Variants in EBF1 observed in about 807,000 individuals in gnomAD.
EBF1 encodes transcription factor COE1.
In EBF1, 10 loss-of-function variants were observed where a neutral mutation model predicts 68.4. The ratio of observed to expected loss-of-function variants is 0.15; its 90% CI spans 0.09 to 0.25. EBF1 has a LOEUF of 0.25. Ranked by LOEUF, EBF1 falls within the 10% of genes least tolerant of loss-of-function variation. EBF1 has a pLI of 1.00. For missense variants in EBF1, 509 were observed against 794.4 expected (o/e 0.64, Z 4.32); for synonymous variants, 298 against 299.8 (o/e 0.99, Z 0.06).
intron 4 of EBF1, among the ~76,000 whole-genome samples, chr5:159,086,587 T>C (rs73305736): frequency 0.015 from 2,211 of 152,310 alleles, 50 homozygotes; most frequent in African/African-American, 0.05. Flanking sequence ...TAAAGTTACA[T>C]ACTTCAGGGC....
chr5:158,754,468 T>C (rs901495321), intron 10 of EBF1, among the ~76,000 whole-genome samples: 4 of 152,152 alleles, frequency 2.6e-5, no homozygotes, highest in African/African-American at 4.8e-5. Flanking sequence ...AAGGAAAGAA[T>C]TTCCTAGCAA....
chr5:159,038,154 C>G (rs1402950892), intron 6 of EBF1, among the ~76,000 whole-genome samples: 1 of 152,178 alleles, frequency 6.6e-6, no homozygotes, highest in African/African-American at 2.4e-5. Context: ...TCTCGGCAGT[C>G]CTTTCTCCCT....
chr5:158,871,703 C>A (rs1363619), intron 6 of EBF1, among the ~76,000 whole-genome samples: 17,534 of 152,212 alleles, frequency 0.12, 1,347 homozygotes, highest in African/African-American at 0.21. Flanking sequence ...TCAGTCATGT[C>A]TTTCCACAGA....
chr5:158,852,229 G>T (rs1035684584), intron 6 of EBF1, among the ~76,000 whole-genome samples: 3 of 151,766 alleles, frequency 2.0e-5, no homozygotes, highest in Non-Finnish European at 2.9e-5. Flanking sequence ...CCCAAGGTGT[G>T]GGGGGTGGGG....
chr5:158,825,560 AAAT>A (rs200208298), intron 7 of EBF1, among the ~76,000 whole-genome samples: 5,085 of 152,138 alleles, frequency 0.033, 137 homozygotes, highest in East Asian at 0.16. Flanking sequence ...TTAAGGCTTA[AAAT>A]ATTCAGTATG....
At chr5:158,709,241 A>C (rs1159444608) in intron 14 of EBF1, among the ~76,000 whole-genome samples, 1 of 152,304 alleles carries the variant, frequency 6.6e-6, no homozygotes, top group African/African-American at 2.4e-5. Context: ...AAAACATCAG[A>C]TATTGTTTTA....
At chr5:158,950,742 A>G (rs1583416216) in intron 6 of EBF1, among the ~76,000 whole-genome samples, 2 of 152,312 alleles carry the variant, frequency 1.3e-5, no homozygotes, top group African/African-American at 4.8e-5. Context: ...TACCACCAGC[A>G]TGTGGAGAGT....
At chr5:158,716,531 C>G (rs1760748681) in intron 11 of EBF1, among the ~76,000 whole-genome samples, 2 of 152,108 alleles carry the variant, frequency 1.3e-5, no homozygotes, top group Admixed American at 1.3e-4. Context: ...AATATCTTAC[C>G]CATTAAAAAA....
chr5:158,826,259 C>A (rs1483032812), intron 7 of EBF1, among the ~76,000 whole-genome samples: 6 of 141,978 alleles, frequency 4.2e-5, no homozygotes, highest in Non-Finnish European at 9.6e-5. Flanking sequence ...TAGAATTTCA[C>A]GATATCTGTT....
In EBF1 at chr5:159,022,121, G is replaced by A. The variant is rs141652194; in HGVS notation, c.554+51275C>T. 4.4e-4 allele frequency among the ~76,000 whole-genome samples: 66 copies of A among 150,238 alleles called. 1 individual carries two copies. The East Asian group carries it at 0.01, about 24-fold the overall frequency. On this transcript the variant is annotated intron_variant, in intron 6 of 15. Coordinates refer to ENST00000313708, the MANE Select transcript of EBF1 (RefSeq NM_024007.5). Reference sequence around the variant, plus strand: ...TGGTTTCAACATCCAGGGGGATCCTGCAAAATCTGATTGCCTCGCTCCTGA... The same window carrying A: ...TGGTTTCAACATCCAGGGGGATCCTACAAAATCTGATTGCCTCGCTCCTGA...
chr5:159,097,502 C>T (rs1782861856), intron 1 of EBF1: 1 of 288,248 alleles, frequency 3.5e-6, no homozygotes, highest in Non-Finnish European at 6.5e-6. Context: ...GAGTAGAACC[C>T]ACAGTTATAT....
At chr5:158,884,990 A>T (rs1799736032) in intron 6 of EBF1, among the ~76,000 whole-genome samples, 1 of 152,182 alleles carries the variant, frequency 6.6e-6, no homozygotes, top group Non-Finnish European at 1.5e-5. Flanking sequence ...TTGTCTCACA[A>T]ATGGAGAGAA....
chr5:158,835,778 T>C (rs573974698), intron 7 of EBF1, among the ~76,000 whole-genome samples: 1 of 152,290 alleles, frequency 6.6e-6, no homozygotes, highest in Admixed American at 6.5e-5. Context: ...TTTGGGTAAA[T>C]TGCTTAACTG....
At chr5:159,001,404 G>C (rs750120742) in intron 6 of EBF1, among the ~76,000 whole-genome samples, 6 of 152,060 alleles carry the variant, frequency 3.9e-5, no homozygotes, top group Non-Finnish European at 7.4e-5. Flanking sequence ...CAAAATCACT[G>C]GTCTAGCATT....
intron 4 of EBF1, among the ~76,000 whole-genome samples, chr5:159,087,899 G>A (rs1208654275): frequency 2.0e-5 from 3 of 152,158 alleles, no homozygotes; most frequent in Non-Finnish European, 4.4e-5. Context: ...CTAGGGAGGA[G>A]TGCAAGCATG....
chr5:158,916,100 A>T (rs1318080808), intron 6 of EBF1, among the ~76,000 whole-genome samples: 1 of 152,192 alleles, frequency 6.6e-6, no homozygotes, highest in Non-Finnish European at 1.5e-5. Context: ...GACTGCAGTC[A>T]GGTCATACAT....
At position 158,969,902 on chromosome 5, in the gene EBF1, A is replaced by AAGAAAG. The variant is rs1554093877; in HGVS notation, c.554+103488_554+103493dup. 2.4e-4 allele frequency among the ~76,000 whole-genome samples: 29 copies of AAGAAAG among 119,016 alleles called. 1 individual carries two copies. The highest frequency in any genetic ancestry group is 1.9e-5 in the Non-Finnish European group (1 of 53,578). 78.1% of individuals were successfully genotyped at this position (119,016 alleles called of 152,430 possible). Reference sequence around the variant, plus strand: ...AAAGAAAGAAAGAAAGAAAGAAAGAAAGAAAGAAAGAAAGAAAAAAAAAAA... The same window carrying AAGAAAG: ...AAAGAAAGAAAGAAAGAAAGAAAGAAAGAAAGAGAAAGAAAGAAAGAAAAAAAAAAA... On this transcript the variant is annotated intron_variant, in intron 6 of 15. Coordinates refer to ENST00000313708, the MANE Select transcript of EBF1 (RefSeq NM_024007.5).
intron 10 of EBF1, 34 bp downstream of exon 10, chr5:158,777,379 C>A: frequency 1.3e-6 from 2 of 1,565,416 alleles, no homozygotes; most frequent in South Asian, 1.2e-5. Context: ...AAGACCACGG[C>A]AGTTCTGTGC....
chr5:158,934,325 C>T (rs1811526832), intron 6 of EBF1, among the ~76,000 whole-genome samples: 1 of 152,202 alleles, frequency 6.6e-6, no homozygotes, highest in Non-Finnish European at 1.5e-5. Flanking sequence ...CACATACACA[C>T]ATACACACTC....
Sources: gnomAD v4.1 joint callset for allele counts (sites outside exome capture counted in the v4.1 genomes callset) on GRCh38, gnomAD v4.1.1 for gene constraint, MANE v1.5 for transcripts, NCBI Gene and HGNC (gene_info 2026-07-23, HGNC 2026-07-21) for gene names.